The following EYS variants were observed in gnomAD, a reference collection of about 807,000 sequenced individuals.
The protein encoded by EYS is protein eyes shut homolog.
In EYS, 250 loss-of-function variants were observed where a neutral mutation model predicts 282.1. That is an observed-to-expected ratio of 0.89 (90% CI 0.80 to 0.98). The LOEUF (loss-of-function observed/expected upper bound fraction) is 0.98, where lower values mean the gene tolerates loss of function less well. Ranked by LOEUF, EYS falls within the 50% of genes least tolerant of loss-of-function variation. The pLI is 0.00. For synonymous variants in EYS, 1,355 were observed against 1,282.9 expected, an observed-to-expected ratio of 1.06 and a Z score of -1.20; for missense variants, 4,016 against 3,709.0, an observed-to-expected ratio of 1.08 and a Z score of -2.15.
rs187842155 is a variant in EYS, at chr6:65,252,964, T to C, written c.2023+42899A>G. ...AGAGAGCCTCAGACCTGTTAGACAA[T>C]AAAATTTCTAGCATTTGAGACATCC... On this transcript the variant is annotated intron_variant, in intron 12 of 42. Coordinates refer to ENST00000503581, the MANE Select transcript of EYS (RefSeq NM_001142800.2). Among the ~76,000 whole-genome samples, 4 of 151,900 alleles carry C rather than the reference T, an allele frequency of 2.6e-5. No individual in the cohort carries two copies. In the East Asian group the frequency reaches 7.8e-4, roughly 29 times the overall value.
intron 33 of EYS, among the ~76,000 whole-genome samples, chr6:64,000,181 T>TAG (rs1562142308): frequency 1.5e-5 from 1 of 68,578 alleles, no homozygotes; most frequent in Non-Finnish European, 2.8e-5. Context: ...TTTTTTTTTT[T>TAG]TTTTTTTTTT....
intron 1 of EYS, among the ~76,000 whole-genome samples, chr6:65,651,469 T>C (rs1354091057): frequency 6.6e-6 from 1 of 152,068 alleles, no homozygotes; most frequent in Admixed American, 6.6e-5. Context: ...CATTGTCTCT[T>C]CTATAACTTT....
intron 36 of EYS, among the ~76,000 whole-genome samples, chr6:63,809,837 G>T (rs186537079): frequency 2.6e-5 from 4 of 152,060 alleles, no homozygotes; most frequent in Admixed American, 6.5e-5. Context: ...CACAGAAAGG[G>T]TATAAAATTC....
intron 31 of EYS, among the ~76,000 whole-genome samples, chr6:64,120,723 G>C (rs1297727012): frequency 2.0e-5 from 3 of 152,114 alleles, no homozygotes; most frequent in Non-Finnish European, 4.4e-5. Context: ...ATTATAGGTA[G>C]TTTTTAATTA....
chr6:65,319,802 A>G (rs1277334795), intron 11 of EYS, among the ~76,000 whole-genome samples: 3 of 152,154 alleles, frequency 2.0e-5, no homozygotes, highest in African/African-American at 4.8e-5. Flanking sequence ...CTGCTTGGTT[A>G]TCTGAACAAG....
Position 64,981,781 on chromosome 6 carries a change from G to A in EYS, c.2259+15801C>T, listed in dbSNP as rs191532225. ...CATTTTTAAATGGTTTCTCTCAAGA[G>A]GTTTCCTCCTTGGCTTTGGGTTAGA... On this transcript the variant is annotated intron_variant, in intron 14 of 42. Transcript: ENST00000503581. Among the ~76,000 whole-genome samples the A allele has an allele frequency of 5.3e-5, 8 of 151,332 alleles. No individual in the cohort carries two copies. In the Admixed American group the frequency reaches 5.3e-4, roughly 10 times the overall value.
At chr6:64,002,062 A>C (rs1403874102) in intron 33 of EYS, among the ~76,000 whole-genome samples, 2 of 152,242 alleles carry the variant, frequency 1.3e-5, no homozygotes, top group South Asian at 4.1e-4. Flanking sequence ...TAGCAGGCAC[A>C]CACAGAATCA....
In EYS at chr6:64,970,751, C is replaced by T. The variant is rs937157081; in HGVS notation, c.2260-24837G>A. On this transcript the variant is annotated intron_variant, in intron 14 of 42. Coordinates refer to ENST00000503581, the MANE Select transcript of EYS (RefSeq NM_001142800.2). ...CCACTAGTGATGCTGCAAGTGCTCC[C>T]AAAGAGCAGAGAAAAGTCATGACAT... Among the ~76,000 whole-genome samples the T allele has an allele frequency of 8.7e-4, 133 of 152,178 alleles. 1 individual carries two copies. The highest frequency in any genetic ancestry group is 2.9e-4 in the Non-Finnish European group (20 of 68,016).
chr6:63,869,922 A>G (rs1352591952), intron 35 of EYS, among the ~76,000 whole-genome samples: 2 of 152,182 alleles, frequency 1.3e-5, no homozygotes, highest in Non-Finnish European at 2.9e-5. Flanking sequence ...CCCCCCATAA[A>G]AAAAATCTCA....
chr6:65,169,493 A>G (rs1450951218), intron 12 of EYS, among the ~76,000 whole-genome samples: 1 of 151,546 alleles, frequency 6.6e-6, no homozygotes, highest in Non-Finnish European at 1.5e-5. Flanking sequence ...ATCAGAAAAC[A>G]CAGTATAACC....
intron 12 of EYS, among the ~76,000 whole-genome samples, chr6:65,072,428 G>A (rs1416565351): frequency 6.6e-6 from 1 of 151,774 alleles, no homozygotes; most frequent in Non-Finnish European, 1.5e-5. Context: ...CCTGAATTAT[G>A]TCTCTTTCTA....
intron 12 of EYS, among the ~76,000 whole-genome samples, chr6:65,160,167 T>C (rs1764820047): frequency 1.3e-5 from 2 of 150,960 alleles, no homozygotes; most frequent in South Asian, 2.1e-4. Context: ...AAGCTAACTA[T>C]GGTCTACTGG....
At chr6:63,984,137 C>T (rs528052905) in intron 35 of EYS, among the ~76,000 whole-genome samples, 1 of 151,808 alleles carries the variant, frequency 6.6e-6, no homozygotes, top group Admixed American at 6.6e-5. Flanking sequence ...ATTGCCAAAA[C>T]CAGGTCTAGT....
intron 28 of EYS, among the ~76,000 whole-genome samples, chr6:64,418,845 C>G (rs1300161277): frequency 2.6e-5 from 4 of 151,638 alleles, no homozygotes; most frequent in African/African-American, 9.7e-5. Context: ...ACTTTGGTTT[C>G]AAGTTAGATT....
intron 30 of EYS, among the ~76,000 whole-genome samples, chr6:64,285,133 C>T (rs968608650): frequency 4.6e-5 from 7 of 152,144 alleles, no homozygotes; most frequent in Admixed American, 4.6e-4. Flanking sequence ...AACTTTTATG[C>T]TCTGCTTCCC....
At chr6:64,582,746 A>T (rs998942889) in intron 26 of EYS, among the ~76,000 whole-genome samples, 16 of 152,192 alleles carry the variant, frequency 1.1e-4, no homozygotes, top group Non-Finnish European at 2.1e-4. Flanking sequence ...TCTCTATAGA[A>T]TGTCAATAAC....
At chr6:65,073,450 A>C (rs911788158) in intron 12 of EYS, among the ~76,000 whole-genome samples, 30 of 151,814 alleles carry the variant, frequency 2.0e-4, no homozygotes, top group African/African-American at 6.8e-4. Flanking sequence ...CAAAATAAGC[A>C]GCAGAGATCA....
At chr6:65,290,934 A>C (rs541957817) in intron 12 of EYS, among the ~76,000 whole-genome samples, 1 of 151,556 alleles carries the variant, frequency 6.6e-6, no homozygotes, top group South Asian at 2.1e-4. Flanking sequence ...GAAATTCAGG[A>C]AGAAAAAAAA....
chr6:64,141,875 A>T (rs1774348217), intron 31 of EYS, among the ~76,000 whole-genome samples: 1 of 151,962 alleles, frequency 6.6e-6, no homozygotes, highest in Non-Finnish European at 1.5e-5. Context: ...TCTCCAGTAC[A>T]CTCTCTCCCC....
Sources: allele counts gnomAD v4.1 joint callset (sites outside exome capture counted in the v4.1 genomes callset), GRCh38; gene constraint gnomAD v4.1.1; transcripts MANE v1.5; gene names NCBI Gene and HGNC (gene_info 2026-07-23, HGNC 2026-07-21).